CPAMD8: variants seen among roughly 807,000 people sequenced by gnomAD.
The protein encoded by CPAMD8 is C3 and PZP-like alpha-2-macroglobulin domain-containing protein 8.
Under a neutral mutation model 224.7 loss-of-function variants are expected in CPAMD8, and 146 were observed. The observed-to-expected ratio is 0.65, with a 90% CI of 0.57 to 0.75. The LOEUF (loss-of-function observed/expected upper bound fraction) is 0.75, where lower values mean the gene tolerates loss of function less well. Ranked by LOEUF, CPAMD8 falls within the 30% of genes least tolerant of loss-of-function variation. The probability of loss-of-function intolerance (pLI) is 0.00; values close to 1 mark genes in which losing one functional copy is unlikely to be tolerated. For missense variants in CPAMD8, 2,301 were observed against 2,537.5 expected, an observed-to-expected ratio of 0.91 and a Z score of 2.00; for synonymous variants, 966 against 1,044.6, an observed-to-expected ratio of 0.92 and a Z score of 1.45.
intron 18 of CPAMD8, among the ~76,000 whole-genome samples, chr19:16,959,835 G>A (rs1321657288): frequency 6.6e-6 from 1 of 152,094 alleles, no homozygotes; most frequent in East Asian, 1.9e-4. Flanking sequence ...CACCACGCCC[G>A]GCCTGCATGT....
intron 30 of CPAMD8, among the ~76,000 whole-genome samples, chr19:16,904,903 T>A (rs1378181491): frequency 6.6e-6 from 1 of 152,238 alleles, no homozygotes; most frequent in Non-Finnish European, 1.5e-5. Flanking sequence ...CAGCCCCTGA[T>A]GTTCCTACTT....
chr19:17,020,348 C>A lies in CPAMD8; in HGVS notation c.250G>T (p.Gly84Trp), dbSNP rs781695821. Residue 84 changes from glycine (G) to tryptophan (W), a missense_variant, in exon 3 of 42, where the codon GGG (glycine) becomes TGG (tryptophan). Physicochemically the swap from Gly to Trp is radical, Grantham distance 184 (BLOSUM62 -2). Around this residue, in one of 4 missense-constraint regions of CPAMD8, gnomAD observed 283 missense variants for 340.6 expected, o/e 0.83. Coordinates refer to ENST00000443236, the MANE Select transcript of CPAMD8 (RefSeq NM_015692.5). ...VQSQGAILDKGTIKLKVPTGL... is the reference protein window; with the variant it reads ...VQSQGAILDKWTIKLKVPTGL... ...CGGCTTACCTTGAGTTTGATTGTCC[C>A]TTTATCTAAAAATGAAAATAAAATG... 1 of 1,584,872 alleles carries A rather than the reference C, an allele frequency of 6.3e-7. No homozygotes were observed.
At chr19:16,993,069 ACT>A (rs1369375241) in intron 12 of CPAMD8, among the ~76,000 whole-genome samples, 15 of 151,988 alleles carry the variant, frequency 9.9e-5, no homozygotes, top group African/African-American at 3.6e-4. Context: ...CACTTGTGAG[ACT>A]CTGATTACAG....
At chr19:16,977,957 G>GC (rs1379841092) in intron 14 of CPAMD8, among the ~76,000 whole-genome samples, 2 of 152,142 alleles carry the variant, frequency 1.3e-5, no homozygotes, top group African/African-American at 4.8e-5. Flanking sequence ...CCTGGGGCCA[G>GC]CAGACCTGGG....
In CPAMD8 at chr19:16,929,187, G is replaced by A. The variant is rs772402614; in HGVS notation, c.2899C>T (p.Pro967Ser). The A allele has an allele frequency of 7.8e-5, 126 of 1,613,822 alleles. No individual in the cohort carries two copies. In the Admixed American group the frequency reaches 2.0e-3, roughly 26 times the overall value. ...NKYEFQYVQR[P>S]LRLTRFDVAV... ...ACATCAAAGCGGGTGAGGCGCAGTGGCCGCTGCACATACTGGAACTCATAC... is the reference window on the plus strand; with the variant it reads ...ACATCAAAGCGGGTGAGGCGCAGTGACCGCTGCACATACTGGAACTCATAC... The change falls in exon 24 of 42, where the codon CCA becomes TCA. Residue 967 changes from proline to serine, a missense_variant. Pro to Ser is a moderately conservative substitution (Grantham distance 74, BLOSUM62 -1). This residue lies in a region of CPAMD8 where 1,709 missense variants were observed against 1,753.2 expected (regional missense o/e 0.97). Transcript: ENST00000443236.
rs1199670865 is a variant in CPAMD8 at position 16,951,993 on chromosome 19, G to A, written c.2484C>T (p.Tyr828=). 2.5e-6 allele frequency: 4 copies of A among 1,578,332 alleles called. No individual in the cohort carries two copies. The highest frequency in any genetic ancestry group is 3.4e-6 in the Non-Finnish European group (4 of 1,160,770). ...GEQVKIPLSV[Y]NYMGTCAEVY... ...CCTCAGCGCAGGTGCCCATGTAGTT[G>A]TAGACACTGAGCGGGATCTTGACCT... The change falls in exon 20 of 42, where the codon TAC becomes TAT. Residue 828 remains tyrosine, a synonymous_variant. Transcript: ENST00000443236.
At chr19:16,947,269 C>T (rs747018960) in intron 20 of CPAMD8, 42 bp from the exon 21 acceptor site, 1 of 1,580,460 alleles carries the variant, frequency 6.3e-7, no homozygotes, top group African/African-American at 1.3e-5. Context: ...GGAATCCAGA[C>T]CCCCTCCCAG....
intron 23 of CPAMD8, among the ~76,000 whole-genome samples, chr19:16,937,916 G>A (rs754566444): frequency 2.0e-5 from 3 of 152,132 alleles, no homozygotes; most frequent in Non-Finnish European, 4.4e-5. Flanking sequence ...GCCTCCCAGA[G>A]TGCTGGGATT....
chr19:16,933,380 A>AGAAT (rs1290347563), intron 23 of CPAMD8, among the ~76,000 whole-genome samples: 2 of 152,212 alleles, frequency 1.3e-5, no homozygotes, highest in African/African-American at 4.8e-5. Context: ...TATAATTAAG[A>AGAAT]GAATGAATGA....
intron 18 of CPAMD8, among the ~76,000 whole-genome samples, chr19:16,963,617 A>G (rs2054725482): frequency 6.6e-6 from 1 of 152,208 alleles, no homozygotes; most frequent in African/African-American, 2.4e-5. Flanking sequence ...CCCCTCTATC[A>G]ATATTAGACA....
At chr19:16,974,730 G>T (rs2055193218) in intron 17 of CPAMD8, among the ~76,000 whole-genome samples, 1 of 152,136 alleles carries the variant, frequency 6.6e-6, no homozygotes, top group South Asian at 2.1e-4. Flanking sequence ...ACTTTGGGAA[G>T]TTGAAGCAGG....
intron 35 of CPAMD8, 52 bp from the exon 36 acceptor site, chr19:16,901,349 G>A: frequency 8.1e-7 from 1 of 1,228,018 alleles, no homozygotes. Context: ...CCCAGAGGTG[G>A]AATTCAAGGT....
intron 13 of CPAMD8, among the ~76,000 whole-genome samples, chr19:16,985,262 T>G (rs1354152653): frequency 2.7e-5 from 4 of 149,568 alleles, no homozygotes; most frequent in African/African-American, 9.9e-5. Context: ...GGAGAATGGA[T>G]GAAGGGAGAG....
chr19:17,014,195 G>A (rs1014498858), intron 3 of CPAMD8, among the ~76,000 whole-genome samples: 3 of 152,134 alleles, frequency 2.0e-5, no homozygotes, highest in Admixed American at 6.6e-5. Flanking sequence ...AGGACTGCAG[G>A]CATGCACCAC....
Position 16,945,628 on chromosome 19 carries a change from C to T in CPAMD8, c.2714G>A (p.Ser905Asn). ...DTNCCRDGRSSKHPEENHADR... is the reference protein window; with the variant it reads ...DTNCCRDGRSNKHPEENHADR... ...GGCGTGATTCTCCTCAGGGTGTTTG[C>T]TGGACCTCCCATCCCGGCAGCAATT... is the stretch of plus-strand genomic sequence containing the variant. Residue 905 changes from serine (S) to asparagine (N), a missense_variant, in exon 22 of 42, where the codon AGC becomes AAC. Around this residue, in one of 4 missense-constraint regions of CPAMD8, gnomAD observed 1,709 missense variants for 1,753.2 expected, o/e 0.97. Transcript: ENST00000443236. 2.5e-6 allele frequency: 4 copies of T among 1,614,188 alleles called. No homozygotes were observed. The highest frequency in any genetic ancestry group is 2.5e-6 in the Non-Finnish European group (3 of 1,179,996).
intron 30 of CPAMD8, among the ~76,000 whole-genome samples, chr19:16,906,366 CTTTCTTTCTTTCTTTCT>C (rs2052491717): frequency 1.4e-5 from 1 of 68,970 alleles, no homozygotes; most frequent in East Asian, 3.5e-4. Context: ...TTCTTTCTTT[CTTTCTTTCTTTCTTTCT>C]TTCTTTCTTT....
chr19:16,968,087 A>G (rs2054922400), intron 18 of CPAMD8, among the ~76,000 whole-genome samples: 1 of 151,894 alleles, frequency 6.6e-6, no homozygotes, highest in African/African-American at 2.4e-5. Flanking sequence ...CTGCTTCTAT[A>G]CCAGCCCCAG....
chr19:16,970,112 G>A (rs571561737), intron 18 of CPAMD8, among the ~76,000 whole-genome samples: 10 of 149,174 alleles, frequency 6.7e-5, no homozygotes, highest in East Asian at 3.9e-4. Flanking sequence ...TGTGGCGGGC[G>A]CCTATAGTCT....
At chr19:16,906,514 G>A (rs2052524733) in intron 30 of CPAMD8, among the ~76,000 whole-genome samples, 2 of 148,218 alleles carry the variant, frequency 1.3e-5, no homozygotes, top group Admixed American at 1.4e-4. Context: ...AGTGATTCTT[G>A]TGCCTCAGCC....
Sources: gnomAD v4.1 joint callset for allele counts (sites outside exome capture counted in the v4.1 genomes callset) on GRCh38, gnomAD v4.1.1 for gene constraint, gnomAD v4.1.1 regional missense constraint, MANE v1.5 for transcripts, NCBI Gene and HGNC (gene_info 2026-07-23, HGNC 2026-07-21) for gene names.